PAXIP1: variants seen among roughly 807,000 people sequenced by gnomAD.
The protein encoded by PAXIP1 is PAX-interacting protein 1.
Under a neutral mutation model 140.6 loss-of-function variants are expected in PAXIP1, and 19 were observed. The ratio of observed to expected loss-of-function variants is 0.14; its 90% confidence interval spans 0.09 to 0.20. The LOEUF is 0.20. PAXIP1 is among the 10% of genes least tolerant of loss of function. The pLI is 1.00. For missense variants in PAXIP1, 920 were observed against 1,208.6 expected (o/e 0.76, Z 3.54); for synonymous variants, 442 against 444.6 (o/e 0.99, Z 0.07).
intron 2 of PAXIP1, among the ~76,000 whole-genome samples, chr7:154,994,902 C>T (rs1023172176): frequency 6.6e-6 from 1 of 152,134 alleles, no homozygotes; most frequent in African/African-American, 2.4e-5. Flanking sequence ...GATCTATGTG[C>T]CTTATCCAAC....
intron 6 of PAXIP1, 114 bp downstream of exon 6, chr7:154,975,582 T>G: frequency 3.0e-6 from 2 of 667,724 alleles, no homozygotes; most frequent in Non-Finnish European, 5.1e-6. Flanking sequence ...ACACAAATAC[T>G]GCTTGTAAGT....
chr7:154,992,683 T>A (rs766677273), intron 3 of PAXIP1, among the ~76,000 whole-genome samples: 1 of 152,044 alleles, frequency 6.6e-6, no homozygotes, highest in Non-Finnish European at 1.5e-5. Flanking sequence ...TTAGCTCTAT[T>A]CCCAGTCTTT....
intron 13 of PAXIP1, among the ~76,000 whole-genome samples, chr7:154,958,427 A>C (rs1585045357): frequency 6.6e-6 from 1 of 152,176 alleles, no homozygotes; most frequent in Non-Finnish European, 1.5e-5. Context: ...ACTACAACTT[A>C]TTTTTTCTAA....
In PAXIP1 at chr7:154,946,969, T is replaced by C. The variant is rs1808011505; in HGVS notation, c.2923-156A>G. ...TCTCCTACTAGCACTCAATCTGAAG[T>C]GGAAGAGGAATCCAGCTATGTAAAT... On this transcript the variant is annotated intron_variant, in intron 17 of 20. Transcript: ENST00000404141. This position sits in a 1 kb window ranked among gnomAD's most constrained non-coding sequence, Gnocchi z 4.9. 1.8e-6 allele frequency: 1 copy of C among 550,840 alleles called. No individual in the cohort carries two copies. The highest frequency in any genetic ancestry group is 3.2e-6 in the Non-Finnish European group (1 of 315,038). The allele number at this position is 550,840 out of a possible 1,614,324, so 34.1% of individuals were successfully genotyped here.
chr7:155,002,781 G>C, intron 1 of PAXIP1, 68 bp downstream of exon 1: 1 of 885,836 alleles, frequency 1.1e-6, no homozygotes, highest in Admixed American at 3.7e-5. Flanking sequence ...AGCGGGGACG[G>C]GGACGGGGAC....
intron 2 of PAXIP1, among the ~76,000 whole-genome samples, chr7:154,996,788 G>A (rs1810642649): frequency 6.6e-6 from 1 of 152,102 alleles, no homozygotes; most frequent in Admixed American, 6.6e-5. Context: ...GTTGGCTTAC[G>A]TATCGATTCA....
intron 1 of PAXIP1, chr7:155,001,386 AAG>A (rs1303061271): frequency 1.3e-5 from 2 of 152,254 alleles, no homozygotes; most frequent in Non-Finnish European, 2.9e-5. Context: ...AAACAAAAAA[AAG>A]AGGGGCGGGG....
At chr7:154,971,428 C>T (rs1809321827) in intron 6 of PAXIP1, among the ~76,000 whole-genome samples, 1 of 152,228 alleles carries the variant, frequency 6.6e-6, no homozygotes, top group Admixed American at 6.5e-5. Flanking sequence ...GGCCTGGAAC[C>T]TTCTCCACTT....
intron 4 of PAXIP1, among the ~76,000 whole-genome samples, chr7:154,985,342 T>C (rs1455485519): frequency 2.0e-5 from 3 of 152,198 alleles, no homozygotes; most frequent in African/African-American, 7.2e-5. Flanking sequence ...TCCTCAGTGC[T>C]GCAAGGCTAA....
intron 17 of PAXIP1, chr7:154,947,549 A>G (rs1458558125): frequency 9.4e-6 from 2 of 212,756 alleles, no homozygotes; most frequent in Non-Finnish European, 1.9e-5. Flanking sequence ...AATAGTACGA[A>G]GTAAGCGATG....
At chr7:155,002,721 G>T in intron 1 of PAXIP1, 128 bp downstream of exon 1, 1 of 411,356 alleles carries the variant, frequency 2.4e-6, no homozygotes, top group Non-Finnish European at 3.6e-6. Flanking sequence ...AGTCAGGCCA[G>T]CGGCCTCGGC....
intron 4 of PAXIP1, among the ~76,000 whole-genome samples, chr7:154,990,238 G>A (rs866534876): frequency 3.5e-4 from 53 of 151,766 alleles, no homozygotes; most frequent in African/African-American, 1.2e-3. Flanking sequence ...ACGGGGTTTC[G>A]CCACGTTTGC....
chr7:154,994,279 C>T (rs1810476649), intron 2 of PAXIP1, among the ~76,000 whole-genome samples: 1 of 152,138 alleles, frequency 6.6e-6, no homozygotes, highest in African/African-American at 2.4e-5. Flanking sequence ...AGATTAATTA[C>T]TACCTTTCTG....
At position 154,962,636 on chromosome 7, in the gene PAXIP1, T is replaced by G. The variant is rs565282911; in HGVS notation, c.1990-178A>C. On this transcript the variant is annotated intron_variant, in intron 9 of 20. Transcript: ENST00000404141. ...AAACCGTGTAGCTGGTTACTTGAAATACAACCTAAAAATGTTACTATCCAT... is the reference window on the plus strand; with the variant it reads ...AAACCGTGTAGCTGGTTACTTGAAAGACAACCTAAAAATGTTACTATCCAT... The G allele has an allele frequency of 1.2e-3, 646 of 527,700 alleles. 10 individuals carry two copies. The South Asian group carries it at 0.016, about 13-fold the overall frequency. The allele number at this position is 527,700 out of a possible 1,614,324, so 32.7% of individuals were successfully genotyped here.
intron 1 of PAXIP1, 52 bp downstream of exon 1, chr7:155,002,781 GGGACGGGGACGGGGAC>G: frequency 3.4e-6 from 3 of 885,812 alleles, no homozygotes; most frequent in East Asian, 4.6e-5. Context: ...AGCGGGGACG[GGGACGGGGACGGGGAC>G]GGACGGGGAC....
At chr7:154,992,916 A>G (rs1810414546) in intron 3 of PAXIP1, among the ~76,000 whole-genome samples, 2 of 152,312 alleles carry the variant, frequency 1.3e-5, no homozygotes, top group Non-Finnish European at 2.9e-5. Flanking sequence ...TCAATGGGTA[A>G]TAAGTGCTTT....
chr7:154,979,616 A>G (rs563027690), intron 5 of PAXIP1, among the ~76,000 whole-genome samples: 1 of 147,330 alleles, frequency 6.8e-6, no homozygotes, highest in South Asian at 2.2e-4. Context: ...CACAAACATA[A>G]CATAATCGTG....
At chr7:154,992,894 A>G (rs1585084136) in intron 3 of PAXIP1, among the ~76,000 whole-genome samples, 1 of 152,312 alleles carries the variant, frequency 6.6e-6, no homozygotes, top group South Asian at 2.1e-4. Flanking sequence ...GTTTCCTTCC[A>G]TCTGCATTGA....
At chr7:154,996,321 A>G (rs1349236334) in intron 2 of PAXIP1, among the ~76,000 whole-genome samples, 3 of 152,244 alleles carry the variant, frequency 2.0e-5, no homozygotes, top group Non-Finnish European at 4.4e-5. Flanking sequence ...AATTACAAGC[A>G]GGCTGGAATG....
Sources: allele counts gnomAD v4.1 joint callset (sites outside exome capture counted in the v4.1 genomes callset), GRCh38; gene constraint gnomAD v4.1.1; non-coding constraint Gnocchi (gnomAD v3.1); transcripts MANE v1.5; gene names NCBI Gene and HGNC (gene_info 2026-07-23, HGNC 2026-07-21).